The following ADGRL2 variants were observed in gnomAD, a reference collection of about 807,000 sequenced individuals.
ADGRL2 encodes the protein adhesion G protein-coupled receptor L2.
Under a neutral mutation model 157.4 loss-of-function variants are expected in ADGRL2, and 44 were observed. The observed-to-expected ratio is 0.28, with a 90% CI of 0.22 to 0.36. The LOEUF (loss-of-function observed/expected upper bound fraction) is 0.36, where lower values mean the gene tolerates loss of function less well. Ranked by LOEUF, ADGRL2 falls within the 10% of genes least tolerant of loss-of-function variation. The pLI is 1.00. For synonymous variants in ADGRL2, 585 were observed against 624.7 expected, an observed-to-expected ratio of 0.94 and a Z score of 0.95; for missense variants, 1,510 against 1,768.9, an observed-to-expected ratio of 0.85 and a Z score of 2.63.
rs192000912 is a variant in ADGRL2 at position 81,754,415 on chromosome 1, G to A, written c.-142-7396G>A. ...AGACAACGCGTGAGCCACCATGCCC[G>A]GCTTTTTTATTTTCTCCTCCTCCTT... On this transcript the variant is annotated intron_variant, in intron 1 of 20. Transcript: ENST00000359929. Among the ~76,000 whole-genome samples the A allele has an allele frequency of 8.9e-4, 132 of 148,284 alleles. 1 individual carries two copies. Among genetic ancestry groups the A allele is most frequent in the African/African-American group, 3.1e-3 (125 of 40,182 alleles).
chr1:81,863,931 A>T (rs2093461109), intron 2 of ADGRL2, among the ~76,000 whole-genome samples: 1 of 152,158 alleles, frequency 6.6e-6, no homozygotes, highest in Non-Finnish European at 1.5e-5. Flanking sequence ...TTTTTCAGCA[A>T]TTTTAAGTGT....
rs574106619 is a variant in ADGRL2 at position 81,965,771 on chromosome 1, A to G, written c.2018-287A>G. On this transcript the variant is annotated intron_variant, in intron 11 of 23. Coordinates refer to ENST00000686636, the MANE Select transcript of ADGRL2 (RefSeq NM_001366006.2). ...TGTACTATTAATTCATACACTGTTC[A>G]TACTTACAGGCTAACAGATTGGTAT... Among the ~76,000 whole-genome samples the G allele has an allele frequency of 2.0e-5, 3 of 152,364 alleles. No individual in the cohort carries two copies. The South Asian group carries it at 6.2e-4, about 32-fold the overall frequency.
intron 2 of ADGRL2, among the ~76,000 whole-genome samples, chr1:81,880,689 A>G (rs1348937587): frequency 1.5e-5 from 2 of 133,220 alleles, no homozygotes; most frequent in Non-Finnish European, 3.1e-5. Context: ...CATTCCGTCC[A>G]GTGCACACGC....
intron 3 of ADGRL2, among the ~76,000 whole-genome samples, chr1:81,654,286 C>T (rs1305129030): frequency 6.6e-6 from 1 of 152,170 alleles, no homozygotes; most frequent in Non-Finnish European, 1.5e-5. Context: ...TTAATGACAT[C>T]AGCAGTGTTC....
chr1:81,489,065 C>T (rs1177164453), intron 2 of ADGRL2, among the ~76,000 whole-genome samples: 1 of 152,004 alleles, frequency 6.6e-6, no homozygotes, highest in African/African-American at 2.4e-5. Context: ...TGGTGAAACC[C>T]TGTCTCTACT....
intron 1 of ADGRL2, among the ~76,000 whole-genome samples, chr1:81,361,494 A>C (rs1395210586): frequency 6.6e-6 from 1 of 151,924 alleles, no homozygotes; most frequent in Non-Finnish European, 1.5e-5. Flanking sequence ...AGCCTTGAGG[A>C]AGTCCTTAAG....
chr1:81,781,473 A>C (rs564379825), intron 2 of ADGRL2, among the ~76,000 whole-genome samples: 1 of 152,314 alleles, frequency 6.6e-6, no homozygotes, highest in Non-Finnish European at 1.5e-5. Context: ...TCTGTAGCTA[A>C]ACAGAATCTA....
intron 2 of ADGRL2, among the ~76,000 whole-genome samples, chr1:81,550,014 T>G (rs2148379288): frequency 6.6e-6 from 1 of 152,298 alleles, no homozygotes; most frequent in Admixed American, 6.5e-5. Flanking sequence ...ACCTAATAAC[T>G]TCAGGATTTG....
At chr1:81,624,006 G>T (rs1032612706) in intron 3 of ADGRL2, among the ~76,000 whole-genome samples, 1 of 152,058 alleles carries the variant, frequency 6.6e-6, no homozygotes, top group African/African-American at 2.4e-5. Flanking sequence ...AGGGAAGGAG[G>T]CCACGTGAGG....
At chr1:81,740,086 G>A (rs1446746864) in intron 1 of ADGRL2, among the ~76,000 whole-genome samples, 2 of 152,158 alleles carry the variant, frequency 1.3e-5, no homozygotes, top group Non-Finnish European at 2.9e-5. Flanking sequence ...AGGAAGATGA[G>A]GGTTGGCTGA....
chr1:81,750,702 G>C (rs1012306391), intron 1 of ADGRL2, among the ~76,000 whole-genome samples: 4 of 151,916 alleles, frequency 2.6e-5, no homozygotes, highest in African/African-American at 9.7e-5. Context: ...GGGCAACAGA[G>C]CAAGACTCCA....
chr1:81,391,240 C>T (rs112493265), intron 1 of ADGRL2, among the ~76,000 whole-genome samples: 67 of 152,360 alleles, frequency 4.4e-4, no homozygotes, highest in African/African-American at 9.9e-4. Flanking sequence ...ATAGGAGTGA[C>T]ATGTGGTTTG....
chr1:81,516,245 A>G lies in ADGRL2; in HGVS notation c.-247-64631A>G, dbSNP rs545008838. Among the ~76,000 whole-genome samples the G allele has an allele frequency of 5.3e-5, 8 of 152,338 alleles. No individual in the cohort carries two copies. In the East Asian group the frequency reaches 1.5e-3, roughly 29 times the overall value. On this transcript the variant is annotated intron_variant, in intron 2 of 24. Coordinates refer to the ADGRL2 transcript ENST00000370721. ...GCATTTTACTTTTTTTATTTTTTCA[A>G]AATGACAATAGATGTATGCCTCTGC...
chr1:81,722,747 A>C (rs1404780555), intron 1 of ADGRL2: 1 of 842,854 alleles, frequency 1.2e-6, no homozygotes, highest in African/African-American at 1.7e-5. Context: ...GAAAGAGTTA[A>C]GAAGGCTCAA....
chr1:81,891,459 G>A (rs2094262147), intron 2 of ADGRL2, among the ~76,000 whole-genome samples: 1 of 152,030 alleles, frequency 6.6e-6, no homozygotes, highest in East Asian at 1.9e-4. Context: ...AGAAATATAT[G>A]ATGCTGTCTG....
chr1:81,475,799 A>G (rs989305954), intron 2 of ADGRL2, among the ~76,000 whole-genome samples: 3 of 152,208 alleles, frequency 2.0e-5, no homozygotes, highest in Admixed American at 1.3e-4. Context: ...TCAAGTGTCA[A>G]CTTGGGTTAA....
At chr1:81,430,540 G>A (rs1393240430) in intron 1 of ADGRL2, among the ~76,000 whole-genome samples, 1 of 152,170 alleles carries the variant, frequency 6.6e-6, no homozygotes, top group Non-Finnish European at 1.5e-5. Context: ...TGGCATGCTG[G>A]TGTAAAAGTT....
chr1:81,796,901 A>G (rs1380913200), upstream of ADGRL2, among the ~76,000 whole-genome samples: 1 of 152,210 alleles, frequency 6.6e-6, no homozygotes, highest in East Asian at 1.9e-4. Context: ...TGCTAAGCCT[A>G]TAGAGCAGGG....
chr1:81,932,118 G>T (rs975232343), intron 3 of ADGRL2, among the ~76,000 whole-genome samples: 3 of 152,030 alleles, frequency 2.0e-5, no homozygotes, highest in East Asian at 1.9e-4. Flanking sequence ...ATTACAATGG[G>T]TCATATTTTT....
Sources: gnomAD v4.1 joint callset for allele counts (sites outside exome capture counted in the v4.1 genomes callset) on GRCh38, gnomAD v4.1.1 for gene constraint, MANE v1.5 for transcripts, NCBI Gene and HGNC (gene_info 2026-07-23, HGNC 2026-07-21) for gene names.